Variants in ZBTB8A observed in about 807,000 individuals in gnomAD.
ZBTB8A encodes zinc finger and BTB domain-containing protein 8A.
In ZBTB8A, 19 loss-of-function variants were observed where a neutral mutation model predicts 37.8. The observed-to-expected ratio is 0.50, with a 90% CI of 0.35 to 0.74. The LOEUF (loss-of-function observed/expected upper bound fraction) is 0.74. Among genes scored for constraint, ZBTB8A ranks in the 30% least tolerant of loss-of-function variants. The pLI is 0.01. For synonymous variants in ZBTB8A, 181 were observed against 185.2 expected, an observed-to-expected ratio of 0.98 and a Z score of 0.19; for missense variants, 394 against 537.8, an observed-to-expected ratio of 0.73 and a Z score of 2.65.
intron 2 of ZBTB8A, among the ~76,000 whole-genome samples, chr1:32,562,569 C>CTTT (rs751648634): frequency 2.8e-3 from 309 of 111,738 alleles, no homozygotes; most frequent in Non-Finnish European, 4.1e-3. Context: ...CCGCGTCCGG[C>CTTT]TTTTTTTTTT....
intron 2 of ZBTB8A, among the ~76,000 whole-genome samples, chr1:32,568,418 G>A (rs1003243811): frequency 1.1e-4 from 16 of 150,204 alleles, no homozygotes; most frequent in African/African-American, 7.3e-5. Flanking sequence ...ATGGAGTCTC[G>A]CTCTGTCGCC....
At chr1:32,564,068 C>G (rs1644262674) in intron 2 of ZBTB8A, among the ~76,000 whole-genome samples, 1 of 152,158 alleles carries the variant, frequency 6.6e-6, no homozygotes, top group African/African-American at 2.4e-5. Flanking sequence ...GAGCAGACTG[C>G]ATGCTGTCAC....
chr1:32,561,790 T>C (rs2148225357), intron 2 of ZBTB8A, among the ~76,000 whole-genome samples: 1 of 152,242 alleles, frequency 6.6e-6, no homozygotes, highest in Non-Finnish European at 1.5e-5. Flanking sequence ...AACTTGATTA[T>C]ATCTGCAAAG....
At chr1:32,579,504 G>A (rs1644388200) in intron 2 of ZBTB8A, among the ~76,000 whole-genome samples, 3 of 151,740 alleles carry the variant, frequency 2.0e-5, no homozygotes, top group Admixed American at 2.0e-4. Context: ...CCAACTCTGT[G>A]TGAGCTCTGG....
intron 1 of ZBTB8A, among the ~76,000 whole-genome samples, chr1:32,552,607 A>G (rs1044099519): frequency 2.0e-5 from 3 of 152,018 alleles, no homozygotes; most frequent in Non-Finnish European, 4.4e-5. Context: ...CGGAGGTTGC[A>G]GTGAGCCGAG....
chr1:32,574,732 A>G (rs1257922570), intron 2 of ZBTB8A, among the ~76,000 whole-genome samples: 4 of 152,088 alleles, frequency 2.6e-5, no homozygotes, highest in African/African-American at 9.7e-5. Flanking sequence ...GTGTGCTGTA[A>G]ATGTAAATTT....
At chr1:32,549,659 G>A (rs1271230246) in intron 1 of ZBTB8A, among the ~76,000 whole-genome samples, 1 of 152,194 alleles carries the variant, frequency 6.6e-6, no homozygotes, top group Non-Finnish European at 1.5e-5. Flanking sequence ...GAGCCTAGGA[G>A]TTCGAGTTTA....
rs1294686739 is a variant in ZBTB8A at position 32,604,115 on chromosome 1, A to G, written c.*3696A>G. ...TAGACCAAAGTTTGCTCTTGCAGGA[A>G]TGCCATTTATCAGCTTCTGAATGCC... On this transcript the variant is annotated 3_prime_UTR_variant, in exon 5 of 5. Coordinates refer to ENST00000373510, the MANE Select transcript of ZBTB8A (RefSeq NM_001040441.3). 1 of 152,122 alleles carries G rather than the reference A, an allele frequency of 6.6e-6. No individual in the cohort carries two copies. The highest frequency in any genetic ancestry group is 1.9e-4 in the East Asian group (1 of 5,198). The allele number at this position is 152,122 out of a possible 1,614,324, so 9.4% of individuals were successfully genotyped here.
chr1:32,550,513 G>GAAAGCCTTCTCGGA (rs1553176358), intron 1 of ZBTB8A, among the ~76,000 whole-genome samples: 1 of 152,152 alleles, frequency 6.6e-6, no homozygotes, highest in Non-Finnish European at 1.5e-5. Flanking sequence ...CAGCTCCTCG[G>GAAAGCCTTCTCGGA]AAGGCTGATG....
chr1:32,548,021 T>C (rs1644120270), intron 1 of ZBTB8A, among the ~76,000 whole-genome samples: 1 of 148,260 alleles, frequency 6.7e-6, no homozygotes, highest in African/African-American at 2.5e-5. Flanking sequence ...TAATCCCAGC[T>C]ACTTAGGAGG....
intron 2 of ZBTB8A, among the ~76,000 whole-genome samples, chr1:32,555,683 A>G (rs1312697189): frequency 6.6e-6 from 1 of 151,984 alleles, no homozygotes; most frequent in Non-Finnish European, 1.5e-5. Context: ...CTAACAGCCT[A>G]ATTGCTATTT....
At chr1:32,557,751 A>G (rs1302777801) in intron 2 of ZBTB8A, among the ~76,000 whole-genome samples, 1 of 152,184 alleles carries the variant, frequency 6.6e-6, no homozygotes, top group African/African-American at 2.4e-5. Context: ...GGTGTAAGCC[A>G]CCGCGCCTGG....
chr1:32,570,906 C>T (rs373991146), intron 2 of ZBTB8A, among the ~76,000 whole-genome samples: 70 of 151,002 alleles, frequency 4.6e-4, no homozygotes, highest in African/African-American at 1.5e-3. Context: ...GACTGAGTCT[C>T]GCTCTGTCAC....
chr1:32,556,251 G>A (rs1295470983), intron 2 of ZBTB8A, among the ~76,000 whole-genome samples: 1 of 152,042 alleles, frequency 6.6e-6, no homozygotes, highest in East Asian at 1.9e-4. Context: ...TATATTTTTA[G>A]TAGAGACAGG....
intron 2 of ZBTB8A, among the ~76,000 whole-genome samples, chr1:32,581,756 G>C (rs1644408590): frequency 6.6e-6 from 1 of 152,164 alleles, no homozygotes; most frequent in Non-Finnish European, 1.5e-5. Flanking sequence ...GATTGACTCA[G>C]TTCTGCATTG....
At chr1:32,584,021 G>A (rs1644427188) in intron 2 of ZBTB8A, among the ~76,000 whole-genome samples, 1 of 152,122 alleles carries the variant, frequency 6.6e-6, no homozygotes, top group African/African-American at 2.4e-5. Context: ...GCCTCCCAAA[G>A]TGCTGGGATT....
At chr1:32,557,782 T>C (rs1031104489) in intron 2 of ZBTB8A, among the ~76,000 whole-genome samples, 3 of 152,156 alleles carry the variant, frequency 2.0e-5, no homozygotes, top group Non-Finnish European at 2.9e-5. Flanking sequence ...CAAACTCTTA[T>C]CATCAGTTAT....
chr1:32,597,407 C>G (rs1489468742), intron 4 of ZBTB8A, among the ~76,000 whole-genome samples: 3 of 152,176 alleles, frequency 2.0e-5, no homozygotes, highest in Non-Finnish European at 4.4e-5. Context: ...TTAGTTTTAT[C>G]CAGTGAACAG....
chr1:32,588,799 C>T (rs908740666), intron 2 of ZBTB8A, among the ~76,000 whole-genome samples: 4 of 152,010 alleles, frequency 2.6e-5, no homozygotes, highest in African/African-American at 9.7e-5. Context: ...GCCTGGCCAA[C>T]ATGGTGAAAC....
Sources: gnomAD v4.1 joint callset for allele counts (sites outside exome capture counted in the v4.1 genomes callset) on GRCh38, gnomAD v4.1.1 for gene constraint, MANE v1.5 for transcripts, NCBI Gene and HGNC (gene_info 2026-07-23, HGNC 2026-07-21) for gene names.